The following UBE2E2 variants were observed in gnomAD, a reference collection of about 807,000 sequenced individuals.
The protein encoded by UBE2E2 is ubiquitin-conjugating enzyme E2 E2.
UBE2E2 carries 6 observed loss-of-function variants against 24.7 expected under a neutral mutation model. The ratio of observed to expected loss-of-function variants is 0.24; its 90% CI spans 0.13 to 0.48. UBE2E2 has a LOEUF of 0.48. Ranked by LOEUF, UBE2E2 falls within the 20% of genes least tolerant of loss-of-function variation. UBE2E2 has a pLI of 0.99. For synonymous variants in UBE2E2, 104 were observed against 83.6 expected, an observed-to-expected ratio of 1.24 and a Z score of -1.33; for missense variants, 169 against 245.0, an observed-to-expected ratio of 0.69 and a Z score of 2.07.
chr3:23,322,919 A>G (rs952922083), intron 3 of UBE2E2, among the ~76,000 whole-genome samples: 7 of 151,882 alleles, frequency 4.6e-5, no homozygotes, highest in African/African-American at 1.7e-4. Context: ...TTATATATTT[A>G]TATATTTTTT....
intron 3 of UBE2E2, among the ~76,000 whole-genome samples, chr3:23,403,792 A>C (rs1697287384): frequency 6.8e-6 from 1 of 147,590 alleles, no homozygotes; most frequent in Non-Finnish European, 1.5e-5. Context: ...TGGGCGACAA[A>C]GTGAGATTCC....
intron 3 of UBE2E2, among the ~76,000 whole-genome samples, chr3:23,329,577 A>G (rs1695005032): frequency 6.6e-6 from 1 of 152,252 alleles, no homozygotes; most frequent in Non-Finnish European, 1.5e-5. Context: ...TATTGTTTCC[A>G]TTGGTATGCA....
intron 3 of UBE2E2, among the ~76,000 whole-genome samples, chr3:23,379,069 A>G (rs1025517514): frequency 7.9e-5 from 12 of 151,924 alleles, no homozygotes; most frequent in Non-Finnish European, 1.2e-4. Context: ...AATCTTTGGG[A>G]GAGGGATTTC....
chr3:23,313,175 T>C (rs1694459109), intron 3 of UBE2E2, among the ~76,000 whole-genome samples: 1 of 152,174 alleles, frequency 6.6e-6, no homozygotes, highest in Non-Finnish European at 1.5e-5. Flanking sequence ...TGATCTGTTA[T>C]ATCATCTTGC....
At position 23,240,355 on chromosome 3, in the gene UBE2E2, C is replaced by G. The variant is rs530379877; in HGVS notation, c.227+23043C>G. 2.0e-5 allele frequency among the ~76,000 whole-genome samples: 3 copies of G among 152,176 alleles called. No individual in the cohort carries two copies. In the East Asian group the frequency reaches 5.8e-4, roughly 29 times the overall value. On this transcript the variant is annotated intron_variant, in intron 3 of 5. Transcript: ENST00000396703. ...GGATTACCCAATGAAATTTTTTTTC[C>G]TATGTGGTAAATTGTTCAAACACTT...
At chr3:23,254,039 A>C (rs955794257) in intron 3 of UBE2E2, among the ~76,000 whole-genome samples, 1 of 152,246 alleles carries the variant, frequency 6.6e-6, no homozygotes, top group Non-Finnish European at 1.5e-5. Context: ...ATAGAACTAC[A>C]CTAAAAAGAA....
chr3:23,243,554 T>C (rs1194494383), intron 3 of UBE2E2, among the ~76,000 whole-genome samples: 1 of 152,230 alleles, frequency 6.6e-6, no homozygotes, highest in Non-Finnish European at 1.5e-5. Flanking sequence ...TTTAGATTAA[T>C]GGCTTTAAGA....
intron 3 of UBE2E2, among the ~76,000 whole-genome samples, chr3:23,259,044 C>A (rs144918733): frequency 1.6e-4 from 25 of 151,744 alleles, no homozygotes; most frequent in African/African-American, 6.0e-4. Flanking sequence ...TTTAAGATAA[C>A]CAATTTTATA....
chr3:23,420,436 C>T (rs554001842), intron 3 of UBE2E2, among the ~76,000 whole-genome samples: 1 of 152,246 alleles, frequency 6.6e-6, no homozygotes, highest in South Asian at 2.1e-4. Flanking sequence ...TGGGCAGTTT[C>T]ATAGTTTGAA....
chr3:23,212,194 G>T lies in UBE2E2; in HGVS notation c.176+3319G>T, dbSNP rs185692926. On this transcript the variant is annotated intron_variant, in intron 2 of 5. Coordinates refer to ENST00000396703, the MANE Select transcript of UBE2E2 (RefSeq NM_152653.4). ...TATAATACAGAAAACATTTAAGTGG[G>T]TATTTAAACAGCAGTAGAAATTAAT... Among the ~76,000 whole-genome samples, 8 of 152,274 alleles carry T rather than the reference G, an allele frequency of 5.3e-5. No homozygotes were observed. In the East Asian group the frequency reaches 1.5e-3, roughly 29 times the overall value.
rs190129320 is a variant in UBE2E2, at chr3:23,472,878, C to G, written c.228-26730C>G. ...GTATTGCCTATGCTGGTCTCAAACT[C>G]CTGGGCTCAAGCGATCCTCTCACCT... On this transcript the variant is annotated intron_variant, in intron 3 of 5. Coordinates refer to ENST00000396703, the MANE Select transcript of UBE2E2 (RefSeq NM_152653.4). Among the ~76,000 whole-genome samples, 597 of 152,064 alleles carry G rather than the reference C, an allele frequency of 3.9e-3. 10 individuals are homozygous for G. Among genetic ancestry groups the G allele is most frequent in the African/African-American group, 0.013 (542 of 41,372 alleles).
intron 3 of UBE2E2, among the ~76,000 whole-genome samples, chr3:23,333,506 A>G (rs1388637708): frequency 1.3e-5 from 2 of 152,096 alleles, no homozygotes; most frequent in Admixed American, 6.5e-5. Flanking sequence ...TTGTACTCCT[A>G]GGAGACAGAT....
At chr3:23,216,411 A>C (rs898702744) in intron 2 of UBE2E2, among the ~76,000 whole-genome samples, 1 of 152,154 alleles carries the variant, frequency 6.6e-6, no homozygotes, top group African/African-American at 2.4e-5. Flanking sequence ...ATATACTGTC[A>C]CAGTAATTAC....
intron 5 of UBE2E2, among the ~76,000 whole-genome samples, chr3:23,535,269 G>A (rs1252609655): frequency 1.3e-5 from 2 of 152,152 alleles, no homozygotes; most frequent in Non-Finnish European, 2.9e-5. Flanking sequence ...ATTTATAAAT[G>A]GTAATGTGTT....
At chr3:23,296,925 A>G (rs1351784224) in intron 3 of UBE2E2, among the ~76,000 whole-genome samples, 3 of 152,228 alleles carry the variant, frequency 2.0e-5, no homozygotes, top group Non-Finnish European at 4.4e-5. Context: ...AGTCCCACCA[A>G]CAGTGTAAAA....
chr3:23,582,218 A>G (rs527946133), intron 5 of UBE2E2, among the ~76,000 whole-genome samples: 1 of 152,312 alleles, frequency 6.6e-6, no homozygotes, highest in East Asian at 1.9e-4. Context: ...ATGTTGCTGC[A>G]AAGGACATGA....
At chr3:23,254,957 T>A (rs1232788056) in intron 3 of UBE2E2, among the ~76,000 whole-genome samples, 1 of 152,086 alleles carries the variant, frequency 6.6e-6, no homozygotes, top group Non-Finnish European at 1.5e-5. Flanking sequence ...TGGCCATGTT[T>A]AGAAGAAAGT....
intron 3 of UBE2E2, among the ~76,000 whole-genome samples, chr3:23,264,168 C>T (rs1245685397): frequency 2.6e-5 from 4 of 152,026 alleles, no homozygotes; most frequent in Non-Finnish European, 5.9e-5. Context: ...CAGAGGTAGA[C>T]TGCAAACCCT....
At chr3:23,361,733 G>T (rs1333524600) in intron 3 of UBE2E2, among the ~76,000 whole-genome samples, 2 of 152,128 alleles carry the variant, frequency 1.3e-5, no homozygotes, top group African/African-American at 4.8e-5. Context: ...CAGATGGTGG[G>T]TGCATTGAAA....
Sources: allele counts gnomAD v4.1 joint callset (sites outside exome capture counted in the v4.1 genomes callset), GRCh38; gene constraint gnomAD v4.1.1; transcripts MANE v1.5; gene names NCBI Gene and HGNC (gene_info 2026-07-23, HGNC 2026-07-21).